The following DYTN variants were observed in gnomAD, a reference collection of about 807,000 sequenced individuals.
DYTN encodes dystrotelin.
DYTN carries 75 observed loss-of-function variants against 69.6 expected under a neutral mutation model. That is an observed-to-expected ratio of 1.08 (90% CI 0.89 to 1.31). The LOEUF (loss-of-function observed/expected upper bound fraction) is 1.31, where lower values mean the gene tolerates loss of function less well. Among genes scored for constraint, DYTN ranks in the 50% most tolerant of loss-of-function variants. The probability of loss-of-function intolerance (pLI) is 0.00; values close to 1 mark genes in which losing one functional copy is unlikely to be tolerated. For synonymous variants in DYTN, 252 were observed against 249.1 expected, an observed-to-expected ratio of 1.01 and a Z score of -0.11; for missense variants, 726 against 688.4, an observed-to-expected ratio of 1.05 and a Z score of -0.61.
Position 206,665,874 on chromosome 2 carries a change from A to T in DYTN, c.1136T>A (p.Leu379Gln), listed in dbSNP as rs753242412. 1 of 1,613,480 alleles carries T rather than the reference A, an allele frequency of 6.2e-7. No homozygotes were observed. The highest frequency in any genetic ancestry group is 1.1e-5 in the South Asian group (1 of 90,946). Reference protein sequence around the residue: ...WTKLQQIRRDLQARLQPPGPS... With the variant: ...WTKLQQIRRDQQARLQPPGPS... The stretch of plus-strand genomic sequence containing the variant: ...AGTGTCCCTCACATTTTATACCTGT[A>T]GGTCCCGTCTTATCTGTTGTAGCTT... The change falls in exon 10 of 12, where the codon CTA (leucine) becomes CAA (glutamine). Residue 379 changes from leucine (L) to glutamine (Q), a missense_variant. Leu to Gln is a moderately radical substitution (Grantham distance 113). Transcript: ENST00000452335.
At chr2:206,677,718 T>C (rs1264702054) in intron 9 of DYTN, among the ~76,000 whole-genome samples, 1 of 152,036 alleles carries the variant, frequency 6.6e-6, no homozygotes, top group Non-Finnish European at 1.5e-5. Flanking sequence ...AGACTGAGCA[T>C]GGTGGCTCAC....
chr2:206,656,154 A>C (rs1178453632), intron 11 of DYTN, among the ~76,000 whole-genome samples: 2 of 152,228 alleles, frequency 1.3e-5, no homozygotes, highest in South Asian at 2.1e-4. Context: ...TTATATATTT[A>C]GGTGCTCTGA....
At chr2:206,714,679 C>G (rs931864527) in intron 1 of DYTN, among the ~76,000 whole-genome samples, 1 of 107,342 alleles carries the variant, frequency 9.3e-6, no homozygotes, top group Non-Finnish European at 1.8e-5. Context: ...TCCTAGCAGA[C>G]CCCTGAGTGG....
At position 206,666,017 on chromosome 2, in the gene DYTN, T is replaced by C. The variant is rs1413681406; in HGVS notation, c.993A>G (p.Lys331=). 2 of 1,613,548 alleles carry C rather than the reference T, an allele frequency of 1.2e-6. No homozygotes were observed. The highest frequency in any genetic ancestry group is 1.7e-6 in the Non-Finnish European group (2 of 1,179,770). Residue 331 remains lysine, a synonymous_variant, in exon 10 of 12, where the codon AAA becomes AAG. Transcript: ENST00000452335. ...PHHAQARLLK[K]QLNQYKDKLQ... Reference sequence around the variant, plus strand: ...ACTTGTCTTTGTATTGGTTTAACTGTTTTTTAAGGAGCCTGAAAAGAGAAC... The same window carrying C: ...ACTTGTCTTTGTATTGGTTTAACTGCTTTTTAAGGAGCCTGAAAAGAGAAC...
At chr2:206,666,582 C>T (rs1245890663) in intron 9 of DYTN, among the ~76,000 whole-genome samples, 2 of 152,070 alleles carry the variant, frequency 1.3e-5, no homozygotes, top group African/African-American at 2.4e-5. Context: ...AAAGTACACC[C>T]GTCATGGCTA....
chr2:206,706,202 C>T (rs1700023834), intron 3 of DYTN, among the ~76,000 whole-genome samples: 1 of 152,020 alleles, frequency 6.6e-6, no homozygotes, highest in African/African-American at 2.4e-5. Flanking sequence ...GCCTCAGTTG[C>T]CTGGAAACCA....
chr2:206,674,048 G>C (rs1699655779), intron 9 of DYTN, among the ~76,000 whole-genome samples: 2 of 152,124 alleles, frequency 1.3e-5, no homozygotes, highest in South Asian at 2.1e-4. Context: ...ATTTACAATA[G>C]ACTTTTATCC....
intron 9 of DYTN, among the ~76,000 whole-genome samples, chr2:206,677,060 C>T (rs1699698334): frequency 6.6e-6 from 1 of 152,154 alleles, no homozygotes; most frequent in African/African-American, 2.4e-5. Flanking sequence ...AATTCTCCTG[C>T]CTCAACCTCC....
At chr2:206,707,737 G>C (rs1700041660) in intron 2 of DYTN, among the ~76,000 whole-genome samples, 2 of 152,132 alleles carry the variant, frequency 1.3e-5, no homozygotes, top group Non-Finnish European at 2.9e-5. Context: ...GTAAAGCATA[G>C]TTGTAACATT....
At chr2:206,707,279 C>T (rs772593319) in intron 3 of DYTN, 23 bp downstream of exon 3, 2 of 1,603,296 alleles carry the variant, frequency 1.2e-6, no homozygotes. Context: ...TTTGAGGTCA[C>T]AGCGCGACGT....
At chr2:206,710,719 G>T (rs1427033433) in intron 1 of DYTN, 121 bp from the exon 2 acceptor site, 6 of 712,466 alleles carry the variant, frequency 8.4e-6, no homozygotes, top group Non-Finnish European at 1.1e-5. Context: ...GGAAATTAAG[G>T]TTTAGAGCTC....
chr2:206,667,734 A>T (rs1264109277), intron 9 of DYTN, among the ~76,000 whole-genome samples: 1 of 136,480 alleles, frequency 7.3e-6, no homozygotes, highest in African/African-American at 2.6e-5. Context: ...GTGTGTGTTG[A>T]CATGTCTTCT....
At chr2:206,653,989 T>C (rs1258944258) in intron 11 of DYTN, among the ~76,000 whole-genome samples, 1 of 152,172 alleles carries the variant, frequency 6.6e-6, no homozygotes, top group Non-Finnish European at 1.5e-5. Context: ...GTTTTAAAAA[T>C]AGAAACATAC....
intron 10 of DYTN, 85 bp downstream of exon 10, chr2:206,665,785 A>T: frequency 6.7e-7 from 1 of 1,501,026 alleles, no homozygotes; most frequent in Non-Finnish European, 9.0e-7. Context: ...GATCAAAGTA[A>T]GGTGGGAAGC....
At chr2:206,663,769 G>A (rs1433484972) in intron 10 of DYTN, among the ~76,000 whole-genome samples, 1 of 152,164 alleles carries the variant, frequency 6.6e-6, no homozygotes, top group East Asian at 1.9e-4. Context: ...CTTTCTGGTA[G>A]GTGTGTTGTG....
At chr2:206,670,021 G>A (rs1004661688) in intron 9 of DYTN, among the ~76,000 whole-genome samples, 1 of 152,176 alleles carries the variant, frequency 6.6e-6, no homozygotes, top group Non-Finnish European at 1.5e-5. Context: ...TCTTCTAAAG[G>A]AATAACAGCA....
At chr2:206,662,633 C>G (rs775777297) in intron 11 of DYTN, among the ~76,000 whole-genome samples, 9 of 151,364 alleles carry the variant, frequency 5.9e-5, no homozygotes, top group African/African-American at 1.5e-4. Context: ...TTTGCAATAA[C>G]AAAATAATAA....
At chr2:206,666,610 C>A (rs2105889303) in intron 9 of DYTN, among the ~76,000 whole-genome samples, 1 of 152,194 alleles carries the variant, frequency 6.6e-6, no homozygotes, top group South Asian at 2.1e-4. Flanking sequence ...AACACTTGAC[C>A]AGGAACACAG....
chr2:206,673,399 A>G (rs1699648936), intron 9 of DYTN, among the ~76,000 whole-genome samples: 1 of 152,060 alleles, frequency 6.6e-6, no homozygotes, highest in Admixed American at 6.6e-5. Context: ...CTGGGATTAC[A>G]GGCACGCACC....
Sources: gnomAD v4.1 joint callset for allele counts (sites outside exome capture counted in the v4.1 genomes callset) on GRCh38, gnomAD v4.1.1 for gene constraint, MANE v1.5 for transcripts, NCBI Gene and HGNC (gene_info 2026-07-23, HGNC 2026-07-21) for gene names.